Variants in FAM184A observed in about 807,000 individuals in gnomAD.
FAM184A encodes protein FAM184A.
FAM184A carries 99 observed loss-of-function variants against 143.8 expected under a neutral mutation model. The observed-to-expected ratio is 0.69, with a 90% CI of 0.58 to 0.81. The LOEUF (loss-of-function observed/expected upper bound fraction) is 0.81. FAM184A is among the 40% of genes least tolerant of loss of function. The pLI, the probability that FAM184A is intolerant of heterozygous loss-of-function variation, is 0.00. For synonymous variants in FAM184A, 427 were observed against 446.4 expected, an observed-to-expected ratio of 0.96 and a Z score of 0.55; for missense variants, 1,217 against 1,310.5, an observed-to-expected ratio of 0.93 and a Z score of 1.10.
At chr6:119,053,830 GAGT>G (rs1786855310) in intron 1 of FAM184A, among the ~76,000 whole-genome samples, 1 of 152,202 alleles carries the variant, frequency 6.6e-6, no homozygotes, top group Non-Finnish European at 1.5e-5. Context: ...TTCTGAAACA[GAGT>G]AGTATTATCC....
intron 1 of FAM184A, among the ~76,000 whole-genome samples, chr6:119,110,741 T>C (rs1253401031): frequency 6.6e-6 from 1 of 152,232 alleles, no homozygotes; most frequent in Non-Finnish European, 1.5e-5. Flanking sequence ...CACCATTCTT[T>C]TATATTTCAC....
chr6:118,999,900 C>A (rs1784694233), intron 9 of FAM184A, among the ~76,000 whole-genome samples: 1 of 152,174 alleles, frequency 6.6e-6, no homozygotes, highest in African/African-American at 2.4e-5. Flanking sequence ...CTGCTTGGAT[C>A]ATTTTTAAAG....
intron 1 of FAM184A, among the ~76,000 whole-genome samples, chr6:119,101,272 A>C (rs1254869836): frequency 2.0e-5 from 3 of 151,796 alleles, no homozygotes; most frequent in African/African-American, 7.3e-5. Context: ...GGGTTTCTCC[A>C]CGTTGGTCAG....
chr6:119,119,102 G>A (rs1789139601), intron 1 of FAM184A, among the ~76,000 whole-genome samples: 1 of 152,176 alleles, frequency 6.6e-6, no homozygotes, highest in African/African-American at 2.4e-5. Flanking sequence ...TTAGGATGAG[G>A]AAATTCCCGC....
chr6:119,097,304 T>C (rs547928974), intron 1 of FAM184A, among the ~76,000 whole-genome samples: 1 of 152,288 alleles, frequency 6.6e-6, no homozygotes, highest in South Asian at 2.1e-4. Flanking sequence ...CCTGTCCTAC[T>C]CTCCAATTTC....
intron 9 of FAM184A, among the ~76,000 whole-genome samples, chr6:118,984,154 A>T (rs1177850823): frequency 8.6e-5 from 10 of 116,200 alleles, no homozygotes; most frequent in Admixed American, 1.8e-4. Context: ...CCATTTAAAA[A>T]AAAAATATAT....
chr6:118,961,464 T>C (rs567061835), intron 17 of FAM184A, among the ~76,000 whole-genome samples: 1 of 151,726 alleles, frequency 6.6e-6, no homozygotes, highest in South Asian at 2.1e-4. Context: ...AATTTAAAAA[T>C]TGGTGACAAT....
At position 119,078,181 on chromosome 6, in the gene FAM184A, A is replaced by C. The variant is rs1313388604; in HGVS notation, c.119T>G (p.Met40Arg). The change falls in exon 1 of 18, where the codon ATG becomes AGG. Residue 40 changes from methionine (M) to arginine (R), a missense_variant. By Grantham distance (91) the Met-to-Arg change is moderately conservative (BLOSUM62 -1). Transcript: ENST00000338891. The surrounding 1 kb of genome is among the most constrained non-coding windows in gnomAD (Gnocchi z 5.5). Reference sequence around the variant, plus strand: ...GATTTTCTTGCTCATTTTCAGGTGCATCTCCTGGCTGTAGTCCATGCTGTG... The same window carrying C: ...GATTTTCTTGCTCATTTTCAGGTGCCTCTCCTGGCTGTAGTCCATGCTGTG... ...AGHSMDYSQE[M>R]HLKMSKKIAQ... is the part of the protein sequence containing the mutation. 1.3e-6 allele frequency: 2 copies of C among 1,591,598 alleles called. No homozygotes were observed. Among genetic ancestry groups the C allele is most frequent in the Non-Finnish European group, 1.7e-6 (2 of 1,171,014 alleles).
intron 1 of FAM184A, among the ~76,000 whole-genome samples, chr6:119,112,472 G>A (rs556382355): frequency 5.3e-5 from 8 of 152,204 alleles, no homozygotes; most frequent in South Asian, 2.1e-4. Context: ...ACTTCCATCC[G>A]GGTTAGGTTT....
At chr6:118,995,118 T>A (rs1302008865) in intron 9 of FAM184A, among the ~76,000 whole-genome samples, 1 of 152,260 alleles carries the variant, frequency 6.6e-6, no homozygotes, top group Non-Finnish European at 1.5e-5. Flanking sequence ...ATTAAAGTTT[T>A]AAAAAATTCC....
upstream of FAM184A, among the ~76,000 whole-genome samples, chr6:119,079,670 C>G (rs1788003835): frequency 6.6e-6 from 1 of 152,158 alleles, no homozygotes. Flanking sequence ...TTTTGCAGAA[C>G]CAAATTCCCC....
chr6:119,104,146 C>T (rs1788717206), intron 1 of FAM184A, among the ~76,000 whole-genome samples: 3 of 152,030 alleles, frequency 2.0e-5, no homozygotes, highest in African/African-American at 7.2e-5. Flanking sequence ...AAACGATCCT[C>T]CCAAGTATCT....
intron 1 of FAM184A, among the ~76,000 whole-genome samples, chr6:119,033,347 T>C (rs1268559841): frequency 2.0e-5 from 3 of 152,162 alleles, no homozygotes; most frequent in African/African-American, 7.2e-5. Context: ...ACCTAAATTA[T>C]CTGGATGACA....
intron 9 of FAM184A, among the ~76,000 whole-genome samples, chr6:118,996,721 G>T (rs935887555): frequency 1.3e-5 from 2 of 151,868 alleles, no homozygotes; most frequent in African/African-American, 2.4e-5. Flanking sequence ...CTTAGGAAGA[G>T]ATTTTATTTT....
At chr6:118,988,118 C>A (rs1784252125) in intron 9 of FAM184A, among the ~76,000 whole-genome samples, 1 of 151,980 alleles carries the variant, frequency 6.6e-6, no homozygotes, top group Non-Finnish European at 1.5e-5. Flanking sequence ...CCAGAGACTG[C>A]CGCTATGAAG....
intron 1 of FAM184A, among the ~76,000 whole-genome samples, chr6:119,028,183 C>A (rs1019182243): frequency 1.3e-5 from 2 of 152,194 alleles, no homozygotes; most frequent in Admixed American, 6.5e-5. Context: ...CTGGTCCCCC[C>A]CTGCTTAGCA....
At chr6:119,069,862 CTGT>C (rs569561886) in intron 1 of FAM184A, among the ~76,000 whole-genome samples, 132 of 152,062 alleles carry the variant, frequency 8.7e-4, no homozygotes, top group Non-Finnish European at 1.1e-3. Context: ...GGAATTTACC[CTGT>C]TATTTTACTA....
chr6:118,986,218 G>A (rs559215025), intron 9 of FAM184A, among the ~76,000 whole-genome samples: 2 of 152,126 alleles, frequency 1.3e-5, no homozygotes, highest in East Asian at 3.9e-4. Context: ...GTGTGAACCC[G>A]GGAGGCAGAG....
At chr6:119,033,048 TTATAAA>T (rs767057005) in intron 1 of FAM184A, among the ~76,000 whole-genome samples, 3 of 152,190 alleles carry the variant, frequency 2.0e-5, no homozygotes, top group Non-Finnish European at 4.4e-5. Context: ...CAGACCAGCC[TTATAAA>T]TATAATTTTT....
Sources: allele counts gnomAD v4.1 joint callset (sites outside exome capture counted in the v4.1 genomes callset), GRCh38; gene constraint gnomAD v4.1.1; non-coding constraint Gnocchi (gnomAD v3.1); transcripts MANE v1.5; gene names NCBI Gene and HGNC (gene_info 2026-07-23, HGNC 2026-07-21).